RAPGEF6: variants seen among roughly 807,000 people sequenced by gnomAD.
RAPGEF6 encodes Rap guanine nucleotide exchange factor 6.
A neutral mutation model predicts 171.4 loss-of-function variants in RAPGEF6; 56 were observed. That is an observed-to-expected ratio of 0.33 (90% CI 0.26 to 0.41). The LOEUF is 0.41. RAPGEF6 is among the 10% of genes least tolerant of loss of function. RAPGEF6 has a pLI of 1.00. For missense variants in RAPGEF6, 1,674 were observed against 1,921.4 expected, an observed-to-expected ratio of 0.87 and a Z score of 2.41; for synonymous variants, 692 against 650.1, an observed-to-expected ratio of 1.06 and a Z score of -0.98.
rs191481538 is a variant in RAPGEF6 at position 131,580,847 on chromosome 5, G to A, written c.281+11536C>T. Among the ~76,000 whole-genome samples the A allele has an allele frequency of 2.7e-4, 41 of 152,088 alleles. No individual in the cohort carries two copies. The East Asian group carries it at 5.6e-3, about 21-fold the overall frequency. On this transcript the variant is annotated intron_variant, in intron 4 of 27. Transcript: ENST00000509018. ...CTCTTCCACCCACATGTGCCTACCCGCCAACTGGAAGGGCACATGTACTCT... is the reference window on the plus strand; with the variant it reads ...CTCTTCCACCCACATGTGCCTACCCACCAACTGGAAGGGCACATGTACTCT...
intron 4 of RAPGEF6, among the ~76,000 whole-genome samples, chr5:131,578,071 C>T (rs1255603549): frequency 6.6e-6 from 1 of 152,198 alleles, no homozygotes; most frequent in Non-Finnish European, 1.5e-5. Context: ...TCCGAACCAT[C>T]GTAACTGATT....
intron 3 of RAPGEF6, 31 bp downstream of exon 3, chr5:131,603,240 A>G (rs565303557): frequency 6.8e-7 from 1 of 1,461,906 alleles, no homozygotes; most frequent in East Asian, 2.3e-5. Context: ...CATAAAAGTC[A>G]TTAGTTTATG....
In RAPGEF6 at chr5:131,470,255, G is replaced by C. The variant is rs114839154; in HGVS notation, c.2239+2332C>G. On this transcript the variant is annotated intron_variant, in intron 17 of 27. Transcript: ENST00000509018. ...AGACATATCAGATGTTCTCTGAACA[G>C]ATTTTAAAAAGGCATCTTTATCTTT... is the stretch of plus-strand genomic sequence containing the variant. Among the ~76,000 whole-genome samples, 642 of 152,296 alleles carry C rather than the reference G, an allele frequency of 4.2e-3. 7 individuals carry two copies. The highest frequency in any genetic ancestry group is 0.015 in the African/African-American group (609 of 41,574).
intron 4 of RAPGEF6, among the ~76,000 whole-genome samples, chr5:131,578,417 T>C (rs1048947403): frequency 4.6e-5 from 7 of 152,118 alleles, no homozygotes; most frequent in African/African-American, 1.4e-4. Flanking sequence ...TCCCGGCACC[T>C]CCAAACCTCC....
At chr5:131,480,831 T>A (rs951820645) in intron 15 of RAPGEF6, among the ~76,000 whole-genome samples, 2 of 151,930 alleles carry the variant, frequency 1.3e-5, no homozygotes, top group African/African-American at 4.8e-5. Context: ...ACGGTCACAT[T>A]TATGAGGCTA....
intron 7 of RAPGEF6, chr5:131,511,167 G>T (rs1045026238): frequency 2.6e-5 from 4 of 151,962 alleles, no homozygotes; most frequent in Admixed American, 6.6e-5. Context: ...ATATTTTAAA[G>T]AAACTATAAA....
At chr5:131,561,293 T>C (rs573413080) in intron 5 of RAPGEF6, among the ~76,000 whole-genome samples, 45 of 152,306 alleles carry the variant, frequency 3.0e-4, no homozygotes, top group African/African-American at 1.0e-3. Flanking sequence ...CTCTACTTCA[T>C]TCTCTCTAGT....
chr5:131,501,717 T>C (rs978616641), intron 11 of RAPGEF6, among the ~76,000 whole-genome samples: 1 of 151,978 alleles, frequency 6.6e-6, no homozygotes, highest in African/African-American at 2.4e-5. Flanking sequence ...GAGCAAATAA[T>C]ATACAGAGTA....
chr5:131,626,987 A>G (rs1765972219), intron 1 of RAPGEF6, among the ~76,000 whole-genome samples: 1 of 152,218 alleles, frequency 6.6e-6, no homozygotes, highest in Non-Finnish European at 1.5e-5. Context: ...TAGCAGCAAG[A>G]CTCAATGACT....
rs200660234 is a variant in RAPGEF6, at chr5:131,552,461, C to CTT, written c.352-4273_352-4272dup. Among the ~76,000 whole-genome samples the CTT allele has an allele frequency of 3.6e-3, 515 of 142,042 alleles. 4 individuals are homozygous for CTT. The highest frequency in any genetic ancestry group is 0.012 in the African/African-American group (478 of 38,904). 93.2% of individuals were successfully genotyped at this position (142,042 alleles called of 152,430 possible). On this transcript the variant is annotated intron_variant, in intron 5 of 27. Transcript: ENST00000509018. ...GCAAAACTTCCTTACAAAAATGCAA[C>CTT]TTTTTTTTTTTTTTTTGAGATGGCG...
At chr5:131,545,038 G>C (rs1760422752) in intron 6 of RAPGEF6, among the ~76,000 whole-genome samples, 1 of 151,992 alleles carries the variant, frequency 6.6e-6, no homozygotes, top group African/African-American at 2.4e-5. Context: ...TCTCAATAAA[G>C]TGATAAGAAA....
At chr5:131,521,921 T>TCTCC (rs1228527058) in intron 6 of RAPGEF6, among the ~76,000 whole-genome samples, 10 of 145,148 alleles carry the variant, frequency 6.9e-5, no homozygotes, top group South Asian at 2.2e-4. Flanking sequence ...ACACACTCAC[T>TCTCC]CTCCCTCCCT....
At chr5:131,495,508 G>C in intron 13 of RAPGEF6, 45 bp downstream of exon 13, 1 of 1,469,432 alleles carries the variant, frequency 6.8e-7, no homozygotes, top group Non-Finnish European at 9.5e-7. Flanking sequence ...AGTGTTGAGG[G>C]GGGACCACTA....
Position 131,634,987 on chromosome 5 carries a change from T to C in RAPGEF6, c.44A>G (p.Lys15Arg). Residue 15 changes from lysine to arginine, a missense_variant, in exon 1 of 28, where the codon AAG (lysine) becomes AGG (arginine). Physicochemically the swap from Lys to Arg is conservative, Grantham distance 26. Around this residue, in one of 3 missense-constraint regions of RAPGEF6, gnomAD observed 1,116 missense variants for 1,321.5 expected, o/e 0.84. Transcript: ENST00000509018. ...VDPGARQALR[K>R]KPPERTPEDL... ...CTCGGGAGTCCGCTCGGGTGGCTTC[T>C]TCCTCAACGCCTGCCTAGCGCCAGG... 1 of 1,614,014 alleles carries C rather than the reference T, an allele frequency of 6.2e-7. No homozygotes were observed. Among genetic ancestry groups the C allele is most frequent in the Non-Finnish European group, 8.5e-7 (1 of 1,179,874 alleles).
At chr5:131,447,830 G>A (rs1408292620) in intron 21 of RAPGEF6, among the ~76,000 whole-genome samples, 1 of 152,050 alleles carries the variant, frequency 6.6e-6, no homozygotes, top group Non-Finnish European at 1.5e-5. Flanking sequence ...CTTTCCAATA[G>A]GGGTATATCT....
chr5:131,424,983 G>A lies in RAPGEF6; in HGVS notation c.*2283C>T, dbSNP rs979612066. On this transcript the variant is annotated 3_prime_UTR_variant, in exon 28 of 28. Coordinates refer to ENST00000509018, the MANE Select transcript of RAPGEF6 (RefSeq NM_016340.6). ...CTAGTCATATGACAAACTAAGAGAA[G>A]GCAGGAATGTACCCTTAGTTAAAAT... is the stretch of plus-strand genomic sequence containing the variant. 1 of 152,304 alleles carries A rather than the reference G, an allele frequency of 6.6e-6. No homozygotes were observed. The highest frequency in any genetic ancestry group is 1.5e-5 in the Non-Finnish European group (1 of 68,018). The allele number at this position is 152,304 out of a possible 1,614,324, so 9.4% of individuals were successfully genotyped here.
intron 17 of RAPGEF6, among the ~76,000 whole-genome samples, chr5:131,467,923 C>T (rs145035840): frequency 4.6e-5 from 7 of 151,582 alleles, no homozygotes; most frequent in East Asian, 1.9e-4. Context: ...CCCAGCTACT[C>T]GGGAGTTTGA....
chr5:131,524,910 C>T (rs555283284), intron 6 of RAPGEF6, among the ~76,000 whole-genome samples: 2 of 152,310 alleles, frequency 1.3e-5, no homozygotes, highest in South Asian at 2.1e-4. Context: ...GCCACCTTGC[C>T]TGGCCAAGGT....
intron 4 of RAPGEF6, among the ~76,000 whole-genome samples, chr5:131,589,674 T>C (rs1763474669): frequency 6.6e-6 from 1 of 152,254 alleles, no homozygotes; most frequent in South Asian, 2.1e-4. Flanking sequence ...TGTGTAAATG[T>C]TCTCCTTTGC....
Sources: allele counts gnomAD v4.1 joint callset (sites outside exome capture counted in the v4.1 genomes callset), GRCh38; gene constraint gnomAD v4.1.1; regional missense constraint gnomAD v4.1.1; transcripts MANE v1.5; gene names NCBI Gene and HGNC (gene_info 2026-07-23, HGNC 2026-07-21).